The following STK4 variants were observed in gnomAD, a reference collection of about 807,000 sequenced individuals.
STK4 encodes serine/threonine-protein kinase 4.
A neutral mutation model predicts 64.9 loss-of-function variants in STK4; 30 were observed. The observed-to-expected ratio is 0.46, with a 90% CI of 0.35 to 0.63. The LOEUF (loss-of-function observed/expected upper bound fraction) is 0.63. Ranked by LOEUF, STK4 falls within the 20% of genes least tolerant of loss-of-function variation. The pLI, the probability that STK4 is intolerant of heterozygous loss-of-function variation, is 0.01. For synonymous variants in STK4, 177 were observed against 199.0 expected (o/e 0.89, Z 0.93); for missense variants, 466 against 598.5 (o/e 0.78, Z 2.31).
chr20:45,005,442 G>A (rs1228502242), intron 9 of STK4, among the ~76,000 whole-genome samples: 1 of 151,722 alleles, frequency 6.6e-6, no homozygotes, highest in Non-Finnish European at 1.5e-5. Context: ...TCAGGAGATC[G>A]AGACCATCCT....
intron 10 of STK4, among the ~76,000 whole-genome samples, chr20:45,050,419 G>C (rs2068760143): frequency 6.6e-6 from 1 of 152,156 alleles, no homozygotes; most frequent in African/African-American, 2.4e-5. Flanking sequence ...GTAGCCTTCA[G>C]CTTTTTAATA....
At chr20:45,065,039 A>G (rs574260617) in intron 10 of STK4, among the ~76,000 whole-genome samples, 33 of 152,200 alleles carry the variant, frequency 2.2e-4, no homozygotes, top group Admixed American at 2.1e-3. Flanking sequence ...TTCAGAGGGA[A>G]TGCTTCCAAC....
chr20:44,987,742 A>G (rs752277854), intron 5 of STK4, among the ~76,000 whole-genome samples: 20 of 152,154 alleles, frequency 1.3e-4, no homozygotes, highest in Admixed American at 9.2e-4. Flanking sequence ...CTCCTGCCTA[A>G]CTAGTGCATG....
At chr20:44,988,232 T>C (rs1601208422) in intron 5 of STK4, among the ~76,000 whole-genome samples, 1 of 152,020 alleles carries the variant, frequency 6.6e-6, no homozygotes, top group South Asian at 2.1e-4. Flanking sequence ...AATATAATAT[T>C]GGCCGGGTGC....
At chr20:45,028,847 T>A (rs1010914688) in intron 10 of STK4, among the ~76,000 whole-genome samples, 1 of 152,216 alleles carries the variant, frequency 6.6e-6, no homozygotes, top group African/African-American at 2.4e-5. Flanking sequence ...AAACTTGTTT[T>A]GGTGGGCAAG....
At chr20:45,027,087 T>A (rs1196683000) in intron 10 of STK4, among the ~76,000 whole-genome samples, 1 of 152,188 alleles carries the variant, frequency 6.6e-6, no homozygotes, top group Non-Finnish European at 1.5e-5. Flanking sequence ...AATCCTCAAA[T>A]CTGTAGTACT....
Position 45,024,001 on chromosome 20 carries a change from C to T in STK4, c.1148-972C>T, listed in dbSNP as rs567288574. Among the ~76,000 whole-genome samples, 514 of 149,762 alleles carry T rather than the reference C, an allele frequency of 3.4e-3. 3 individuals carry two copies. Among genetic ancestry groups the T allele is most frequent in the African/African-American group, 0.012 (491 of 40,648 alleles). ...CTGCAAGCTCTGCCTCCCGGGTTCA[C>T]GCCATTCTCCTGCCTCAGCCTCCCG... On this transcript the variant is annotated intron_variant, in intron 9 of 10. Coordinates refer to ENST00000372806, the MANE Select transcript of STK4 (RefSeq NM_006282.5).
At chr20:45,005,722 G>A (rs16989594) in intron 9 of STK4, among the ~76,000 whole-genome samples, 10,753 of 150,302 alleles carry the variant, frequency 0.072, 1,271 homozygotes, top group African/African-American at 0.24. Flanking sequence ...TATGAACATA[G>A]TGAGCTACTA....
rs375777580 is a variant in STK4, at chr20:45,034,752, A to T, written c.1305+9622A>T. On this transcript the variant is annotated intron_variant, in intron 10 of 10. Transcript: ENST00000372806. The stretch of plus-strand genomic sequence containing the variant: ...CATAGTGAGATCCCCATCTCTACAA[A>T]AAAAAGGAAAAAAAATTAGCTGGGC... Among the ~76,000 whole-genome samples the T allele has an allele frequency of 4.0e-4, 61 of 152,166 alleles. 2 individuals carry two copies. The highest frequency in any genetic ancestry group is 1.2e-3 in the African/African-American group (51 of 41,520).
intron 9 of STK4, among the ~76,000 whole-genome samples, chr20:45,007,420 G>A (rs62208317): frequency 0.034 from 5,224 of 152,206 alleles, 158 homozygotes; most frequent in Admixed American, 0.11. Context: ...GGTGGCGGGC[G>A]CCTGTAGTCC....
intron 4 of STK4, among the ~76,000 whole-genome samples, chr20:44,982,233 C>T (rs2067454980): frequency 6.6e-6 from 1 of 151,442 alleles, no homozygotes; most frequent in Non-Finnish European, 1.5e-5. Context: ...CCTCTCACTT[C>T]AGGCTCCTGA....
At chr20:45,032,609 T>C (rs1408511957) in intron 10 of STK4, among the ~76,000 whole-genome samples, 1 of 152,236 alleles carries the variant, frequency 6.6e-6, no homozygotes, top group Non-Finnish European at 1.5e-5. Context: ...ATCTTGCTCG[T>C]TTCTGTGGCT....
intron 10 of STK4, among the ~76,000 whole-genome samples, chr20:45,061,527 A>C (rs1979001285): frequency 6.6e-6 from 1 of 152,106 alleles, no homozygotes; most frequent in Non-Finnish European, 1.5e-5. Flanking sequence ...CTTGGTTATC[A>C]TAAAGACTGT....
intron 7 of STK4, among the ~76,000 whole-genome samples, chr20:44,998,189 G>A (rs1316259181): frequency 6.6e-6 from 1 of 152,198 alleles, no homozygotes; most frequent in Non-Finnish European, 1.5e-5. Context: ...GGTCCTTGAA[G>A]GACAGGTGGC....
At chr20:45,037,745 A>G (rs892452597) in intron 10 of STK4, among the ~76,000 whole-genome samples, 8 of 152,078 alleles carry the variant, frequency 5.3e-5, no homozygotes, top group Non-Finnish European at 4.4e-5. Flanking sequence ...GTAAGTTGAG[A>G]TTTCTTTGGG....
intron 9 of STK4, among the ~76,000 whole-genome samples, chr20:45,020,371 G>A (rs933355657): frequency 3.3e-5 from 5 of 151,948 alleles, no homozygotes; most frequent in Non-Finnish European, 7.4e-5. Flanking sequence ...GTGAATGTTA[G>A]TTAAATTTGA....
At chr20:45,059,691 T>G (rs543329970) in intron 10 of STK4, among the ~76,000 whole-genome samples, 2 of 152,308 alleles carry the variant, frequency 1.3e-5, no homozygotes, top group South Asian at 4.1e-4. Flanking sequence ...TGTGGGTAAC[T>G]GAAACTACAG....
chr20:45,052,197 G>C (rs77192813), intron 10 of STK4, among the ~76,000 whole-genome samples: 4,271 of 152,054 alleles, frequency 0.028, 185 homozygotes, highest in African/African-American at 0.092. Context: ...TAACCTTCTA[G>C]TTGTAAAAAC....
chr20:45,072,324 G>A (rs1324142772), intron 10 of STK4, among the ~76,000 whole-genome samples: 2 of 152,164 alleles, frequency 1.3e-5, no homozygotes, highest in African/African-American at 4.8e-5. Context: ...CAAAGTCAGT[G>A]CAGCTCCACT....
Sources: allele counts gnomAD v4.1 joint callset (sites outside exome capture counted in the v4.1 genomes callset), GRCh38; gene constraint gnomAD v4.1.1; transcripts MANE v1.5; gene names NCBI Gene and HGNC (gene_info 2026-07-23, HGNC 2026-07-21).